The following ZNF560 variants were observed in gnomAD, a reference collection of about 807,000 sequenced individuals.
ZNF560 encodes the protein zinc finger protein 560.
ZNF560 carries 54 observed loss-of-function variants against 81.8 expected under a neutral mutation model. That is an observed-to-expected ratio of 0.66 (90% confidence interval 0.53 to 0.83). The LOEUF (loss-of-function observed/expected upper bound fraction) is 0.83. Among genes scored for constraint, ZNF560 ranks in the 40% least tolerant of loss-of-function variants. The pLI, the probability that ZNF560 is intolerant of heterozygous loss-of-function variation, is 0.00. For synonymous variants in ZNF560, 321 were observed against 317.9 expected (o/e 1.01, Z -0.10); for missense variants, 940 against 932.4 (o/e 1.01, Z -0.11).
upstream of ZNF560, among the ~76,000 whole-genome samples, chr19:9,503,585 A>T (rs184538367): frequency 6.6e-6 from 1 of 152,310 alleles, no homozygotes; most frequent in Admixed American, 6.5e-5. Flanking sequence ...GGCAGGCTGG[A>T]GTAGAGTGGC....
intron 2 of ZNF560, among the ~76,000 whole-genome samples, chr19:9,482,401 T>C (rs1208117966): frequency 6.9e-6 from 1 of 145,674 alleles, no homozygotes; most frequent in Non-Finnish European, 1.5e-5. Flanking sequence ...TGTACGCATG[T>C]ACCTTAGAAC....
chr19:9,466,061 G>A (rs1459073492), downstream of ZNF560, among the ~76,000 whole-genome samples: 2 of 152,006 alleles, frequency 1.3e-5, no homozygotes, highest in Non-Finnish European at 2.9e-5. Context: ...AAGATGAGAA[G>A]AATGCCAGGT....
chr19:9,482,627 A>G (rs1388985292), intron 2 of ZNF560, among the ~76,000 whole-genome samples: 2 of 150,842 alleles, frequency 1.3e-5, no homozygotes, highest in Non-Finnish European at 3.0e-5. Context: ...CTTTCTCAAA[A>G]AGAAAAGACC....
chr19:9,488,022 G>A (rs1303563864), intron 2 of ZNF560, among the ~76,000 whole-genome samples: 1 of 152,122 alleles, frequency 6.6e-6, no homozygotes, highest in East Asian at 1.9e-4. Context: ...TCACAGCACT[G>A]GAAGGAGGGG....
chr19:9,456,585 A>G, the ZNF560 span, among the ~76,000 whole-genome samples: 2 of 152,190 alleles, frequency 1.3e-5, no homozygotes, highest in Non-Finnish European at 2.9e-5. Flanking sequence ...AGAAATTTAA[A>G]GGTTTGGTAG....
At chr19:9,461,258 C>A in the ZNF560 span, among the ~76,000 whole-genome samples, 1 of 152,118 alleles carries the variant, frequency 6.6e-6, no homozygotes, top group Non-Finnish European at 1.5e-5. Context: ...GTTTGACACC[C>A]CTAATTATCA....
At chr19:9,450,065 GC>G in the ZNF560 span, among the ~76,000 whole-genome samples, 1 of 151,428 alleles carries the variant, frequency 6.6e-6, no homozygotes, top group African/African-American at 2.4e-5. Context: ...CACTGAGGCA[GC>G]TGGATCATGA....
rs2144688840 is a variant in ZNF560, at chr19:9,469,668, T to C, written c.491A>G (p.Glu164Gly). 6.2e-7 allele frequency: 1 copy of C among 1,614,150 alleles called. No individual in the cohort carries two copies. The highest frequency in any genetic ancestry group is 1.6e-4 in the Middle Eastern group (1 of 6,062). The change falls in exon 8 of 10, where the codon GAA (glutamate) becomes GGA (glycine). Residue 164 changes from glutamate to glycine, a missense_variant. Physicochemically the swap from Glu to Gly is moderately conservative, Grantham distance 98 (BLOSUM62 -2). Coordinates refer to ENST00000301480, the MANE Select transcript of ZNF560 (RefSeq NM_152476.3). ...FKPSLISWLE[E>G]EEELSTLPRV... ...TGGCAGTGTGCTCAACTCTTCCTCT[T>C]CCTCCAGCCAAGAGATCAGACTGGG...
chr19:9,493,652 AGCCCCAGGTTTTCTCTTTGATT>A (rs1387450760), intron 2 of ZNF560, among the ~76,000 whole-genome samples: 1 of 151,902 alleles, frequency 6.6e-6, no homozygotes, highest in African/African-American at 2.4e-5. Context: ...CACCACACCC[AGCCCCAGGTTTTCTCTTTGATT>A]GTTACGTATA....
rs1374637952 is a variant in ZNF560 at position 9,466,850 on chromosome 19, A to G, written c.2097T>C (p.Phe699=). ...TGGTGAGAGTTTTTAAGCGATCATG[A>G]AAGCACATGGAATTTCGAAAGGAAT... ...CGNSFRNSMC[F]HDRLKTLTKI... The change falls in exon 10 of 10, where the codon TTT becomes TTC. Residue 699 remains phenylalanine, a synonymous_variant. Coordinates refer to ENST00000301480, the MANE Select transcript of ZNF560 (RefSeq NM_152476.3). 1 of 1,614,132 alleles carries G rather than the reference A, an allele frequency of 6.2e-7. No homozygotes were observed. Among genetic ancestry groups the G allele is most frequent in the Admixed American group, 1.7e-5 (1 of 60,014 alleles).
intron 2 of ZNF560, among the ~76,000 whole-genome samples, chr19:9,481,942 A>G (rs1279678304): frequency 6.6e-6 from 1 of 152,254 alleles, no homozygotes; most frequent in African/African-American, 2.4e-5. Flanking sequence ...CCAAAGGATA[A>G]TAAATCATGC....
At chr19:9,450,936 G>A in the ZNF560 span, among the ~76,000 whole-genome samples, 1 of 152,110 alleles carries the variant, frequency 6.6e-6, no homozygotes, top group Non-Finnish European at 1.5e-5. Context: ...TAACCAAGGA[G>A]GTTAAAGTTT....
chr19:9,455,906 G>C, the ZNF560 span, among the ~76,000 whole-genome samples: 1 of 152,102 alleles, frequency 6.6e-6, no homozygotes, highest in Admixed American at 6.6e-5. Context: ...GGAAACATGG[G>C]CATACGAGAG....
downstream of ZNF560, among the ~76,000 whole-genome samples, chr19:9,464,350 T>C (rs2072982003): frequency 6.6e-6 from 1 of 152,194 alleles, no homozygotes; most frequent in South Asian, 2.1e-4. Flanking sequence ...TGCCAAACAG[T>C]GGCATCAAAG....
chr19:9,492,134 T>G (rs2335942), intron 2 of ZNF560, among the ~76,000 whole-genome samples: 1 of 151,706 alleles, frequency 6.6e-6, no homozygotes, highest in African/African-American at 2.4e-5. Flanking sequence ...GCATGTATCA[T>G]CAAGCCTGGC....
chr19:9,499,000 A>G (rs1348683662), upstream of ZNF560, among the ~76,000 whole-genome samples: 2 of 152,206 alleles, frequency 1.3e-5, no homozygotes, highest in East Asian at 1.9e-4. Context: ...TAACCTGCCA[A>G]TCCACAAAAT....
chr19:9,493,757 A>G (rs1399524613), intron 2 of ZNF560, among the ~76,000 whole-genome samples: 1 of 152,186 alleles, frequency 6.6e-6, no homozygotes, highest in East Asian at 1.9e-4. Flanking sequence ...TCTATTTTGT[A>G]TATAAGTTAC....
At chr19:9,453,705 C>A in the ZNF560 span, among the ~76,000 whole-genome samples, 1 of 152,196 alleles carries the variant, frequency 6.6e-6, no homozygotes, top group East Asian at 1.9e-4. Flanking sequence ...TAATTGAGTC[C>A]ATGCTTTGAA....
chr19:9,476,537 G>A (rs2073205018), intron 2 of ZNF560, among the ~76,000 whole-genome samples: 1 of 151,948 alleles, frequency 6.6e-6, no homozygotes, highest in Non-Finnish European at 1.5e-5. Context: ...TGATCCACCT[G>A]CCTTGGCCTC....
Sources: gnomAD v4.1 joint callset for allele counts (sites outside exome capture counted in the v4.1 genomes callset) on GRCh38, gnomAD v4.1.1 for gene constraint, MANE v1.5 for transcripts, NCBI Gene and HGNC (gene_info 2026-07-23, HGNC 2026-07-21) for gene names.